Variants in PGM5 observed in about 807,000 individuals in gnomAD.
The protein encoded by PGM5 is phosphoglucomutase-like protein 5.
In PGM5, 23 loss-of-function variants were observed where a neutral mutation model predicts 59.2. The observed-to-expected ratio is 0.39, with a 90% CI of 0.28 to 0.55. PGM5 has a LOEUF of 0.55. Among genes scored for constraint, PGM5 ranks in the 20% least tolerant of loss-of-function variants. PGM5 has a pLI of 0.66. For synonymous variants in PGM5, 214 were observed against 286.0 expected, an observed-to-expected ratio of 0.75 and a Z score of 2.54; for missense variants, 574 against 748.3, an observed-to-expected ratio of 0.77 and a Z score of 2.72.
intron 6 of PGM5, chr9:68,397,466 A>G (rs782053748): frequency 1.3e-4 from 20 of 152,216 alleles, no homozygotes; most frequent in Non-Finnish European, 2.5e-4. Context: ...TGTTTTGACT[A>G]TGAAAAAGGC....
chr9:68,418,122 A>G (rs1196367542), intron 6 of PGM5, among the ~76,000 whole-genome samples: 3 of 152,068 alleles, frequency 2.0e-5, no homozygotes, highest in African/African-American at 7.2e-5. Flanking sequence ...TCACTATATC[A>G]CATCCCCATA....
At chr9:68,406,660 GTATATATATATATATATGTATATATA>G (rs1468048641) in intron 6 of PGM5, among the ~76,000 whole-genome samples, 1,211 of 57,618 alleles carry the variant, frequency 0.021, 103 homozygotes, top group Middle Eastern at 0.065. Flanking sequence ...ATTAAATTAG[GTATATATATATATATATGTATATATA>G]TATATATATA....
intron 6 of PGM5, among the ~76,000 whole-genome samples, chr9:68,460,864 T>A (rs10116868): frequency 0.08 from 12,223 of 151,990 alleles, 989 homozygotes; most frequent in East Asian, 0.37. Context: ...ACATTGGTGG[T>A]GGTGATAGTG....
chr9:68,426,492 C>T (rs529589786), intron 6 of PGM5, among the ~76,000 whole-genome samples: 144 of 152,162 alleles, frequency 9.5e-4, no homozygotes, highest in African/African-American at 3.4e-3. Flanking sequence ...ATAGTTGTGC[C>T]ATAATTTACT....
At chr9:68,462,513 G>A (rs781806945) in intron 6 of PGM5, among the ~76,000 whole-genome samples, 27 of 152,246 alleles carry the variant, frequency 1.8e-4, no homozygotes, top group Admixed American at 7.9e-4. Context: ...GTGGCTCATA[G>A]TTATAAAAGT....
intron 6 of PGM5, chr9:68,396,985 G>T (rs1174540184): frequency 1.3e-5 from 2 of 152,472 alleles, no homozygotes; most frequent in East Asian, 3.8e-4. Flanking sequence ...AACTTTCATT[G>T]TTCACAGATA....
In PGM5 at chr9:68,479,762, G is replaced by A. The variant is rs910969261; in HGVS notation, c.1295+209G>A. On this transcript the variant is annotated intron_variant, in intron 8 of 10. Transcript: ENST00000396396. ...ATCCCGGCTAAAACGGTGAAACCCC[G>A]TCTCTACTAAAAATACAAAAAATTA... 3.3e-5 allele frequency among the ~76,000 whole-genome samples: 5 copies of A among 152,060 alleles called. No homozygotes were observed. The East Asian group carries it at 7.7e-4, about 23-fold the overall frequency.
At chr9:68,496,686 C>G (rs551076411) in intron 9 of PGM5, 1 of 152,330 alleles carries the variant, frequency 6.6e-6, no homozygotes, top group East Asian at 1.9e-4. Flanking sequence ...CAGGGGAAAA[C>G]AATAACATTA....
intron 6 of PGM5, among the ~76,000 whole-genome samples, chr9:68,404,589 G>T (rs1286589019): frequency 2.0e-5 from 3 of 152,166 alleles, no homozygotes; most frequent in Non-Finnish European, 4.4e-5. Flanking sequence ...CTATCTATAT[G>T]CCCTACACAG....
chr9:68,518,142 A>G (rs1824849838), intron 10 of PGM5, among the ~76,000 whole-genome samples: 1 of 152,238 alleles, frequency 6.6e-6, no homozygotes, highest in African/African-American at 2.4e-5. Flanking sequence ...AGTTAAGTAC[A>G]CATCAAAGGC....
rs7040997 is a variant in PGM5, at chr9:68,437,031, A to G, written c.1044-28062A>G. Reference sequence around the variant, plus strand: ...TTTAAAAATGCCTTTGTATTTATGCATAGCTAACTCCTGAGTTTCCATTAT... The same window carrying G: ...TTTAAAAATGCCTTTGTATTTATGCGTAGCTAACTCCTGAGTTTCCATTAT... On this transcript the variant is annotated intron_variant, in intron 6 of 10. Coordinates refer to ENST00000396396, the MANE Select transcript of PGM5 (RefSeq NM_021965.4). The surrounding 1 kb of genome is among the most constrained non-coding windows in gnomAD (Gnocchi z 4.1). Among the ~76,000 whole-genome samples the G allele has an allele frequency of 0.024, 3,608 of 152,326 alleles. 128 individuals carry two copies. Among genetic ancestry groups the G allele is most frequent in the African/African-American group, 0.08 (3,316 of 41,552 alleles).
intron 6 of PGM5, among the ~76,000 whole-genome samples, chr9:68,401,406 C>CTCA (rs1822663214): frequency 6.6e-6 from 1 of 152,036 alleles, no homozygotes. Context: ...CTCTTTGATA[C>CTCA]TCAGATTCTG....
At chr9:68,393,773 A>C (rs2132013716) in intron 6 of PGM5, 1 of 152,262 alleles carries the variant, frequency 6.6e-6, no homozygotes, top group South Asian at 2.1e-4. Flanking sequence ...ATATTTACCC[A>C]AAAATAATGG....
chr9:68,378,092 C>T, intron 1 of PGM5, 107 bp from the exon 2 acceptor site: 1 of 940,584 alleles, frequency 1.1e-6, no homozygotes, highest in South Asian at 2.1e-5. Flanking sequence ...TACTCTGTTT[C>T]TTTTATCAAG....
intron 1 of PGM5, among the ~76,000 whole-genome samples, chr9:68,365,851 C>A (rs1834669205): frequency 6.6e-6 from 1 of 152,180 alleles, no homozygotes; most frequent in Non-Finnish European, 1.5e-5. Flanking sequence ...CAAACACATA[C>A]GAAATACTGG....
intron 6 of PGM5, among the ~76,000 whole-genome samples, chr9:68,464,142 A>G (rs1823897650): frequency 6.6e-6 from 1 of 152,208 alleles, no homozygotes; most frequent in African/African-American, 2.4e-5. Context: ...GGATTGTTTC[A>G]GTTATTACAA....
intron 6 of PGM5, among the ~76,000 whole-genome samples, chr9:68,453,747 G>C (rs1295339108): frequency 6.6e-6 from 1 of 152,132 alleles, no homozygotes; most frequent in Admixed American, 6.5e-5. Flanking sequence ...TGTTCTGATG[G>C]GCCCCATGAA....
At position 68,437,870 on chromosome 9, in the gene PGM5, A is replaced by T. The variant is rs558250565; in HGVS notation, c.1044-27223A>T. ...TGAAGCTGAGTGGAGGCTGTTTCTAACAGCCACACAGGCTGTCTAGTTCAT... is the reference window on the plus strand; with the variant it reads ...TGAAGCTGAGTGGAGGCTGTTTCTATCAGCCACACAGGCTGTCTAGTTCAT... On this transcript the variant is annotated intron_variant, in intron 6 of 10. Transcript: ENST00000396396. The surrounding 1 kb of genome is among the most constrained non-coding windows in gnomAD (Gnocchi z 4.1). Among the ~76,000 whole-genome samples, 1 of 152,268 alleles carries T rather than the reference A, an allele frequency of 6.6e-6. No homozygotes were observed. Among genetic ancestry groups the T allele is most frequent in the Admixed American group, 6.5e-5 (1 of 15,298 alleles).
intron 6 of PGM5, chr9:68,398,312 A>G (rs1822566931): frequency 6.6e-6 from 1 of 152,256 alleles, no homozygotes; most frequent in Non-Finnish European, 1.5e-5. Context: ...GTTAGGATCA[A>G]GGCAGGAAAG....
Sources: allele counts gnomAD v4.1 joint callset (sites outside exome capture counted in the v4.1 genomes callset), GRCh38; gene constraint gnomAD v4.1.1; non-coding constraint Gnocchi (gnomAD v3.1); transcripts MANE v1.5; gene names NCBI Gene and HGNC (gene_info 2026-07-23, HGNC 2026-07-21).